The following PTPRN2 variants were observed in gnomAD, a reference collection of about 807,000 sequenced individuals.
PTPRN2 encodes protein tyrosine phosphatase receptor type N2, also known as receptor-type tyrosine-protein phosphatase N2.
Under a neutral mutation model 118.8 loss-of-function variants are expected in PTPRN2, and 74 were observed. That is an observed-to-expected ratio of 0.62 (90% confidence interval 0.52 to 0.76). The LOEUF (loss-of-function observed/expected upper bound fraction) is 0.76. Among genes scored for constraint, PTPRN2 ranks in the 30% least tolerant of loss-of-function variants. The pLI, the probability that PTPRN2 is intolerant of heterozygous loss-of-function variation, is 0.00. For missense variants in PTPRN2, 1,481 were observed against 1,394.4 expected (o/e 1.06, Z -0.99); for synonymous variants, 641 against 608.0 (o/e 1.05, Z -0.80).
intron 2 of PTPRN2, among the ~76,000 whole-genome samples, chr7:158,389,625 T>G (rs964096036): frequency 6.6e-6 from 1 of 152,214 alleles, no homozygotes; most frequent in African/African-American, 2.4e-5. Flanking sequence ...ACATTTGCAA[T>G]AACGGCTGCC....
intron 11 of PTPRN2, among the ~76,000 whole-genome samples, chr7:158,072,111 C>CGTGGTGG (rs1432276678): frequency 3.1e-4 from 46 of 146,918 alleles, no homozygotes; most frequent in Non-Finnish European, 6.0e-4. Context: ...TGGAGGTGCT[C>CGTGGTGG]ATGGTGGTGG....
chr7:158,235,128 C>T (rs901205326), intron 3 of PTPRN2, among the ~76,000 whole-genome samples: 4 of 143,670 alleles, frequency 2.8e-5, no homozygotes, highest in Admixed American at 2.1e-4. Flanking sequence ...GAGGAGCCCT[C>T]GGACACTGTG....
At chr7:157,577,961 A>T in intron 18 of PTPRN2, 60 bp downstream of exon 18, 3 of 1,494,880 alleles carry the variant, frequency 2.0e-6, no homozygotes, top group Non-Finnish European at 2.7e-6. Flanking sequence ...TCGGAGGAGG[A>T]GCAGGGCCCG....
chr7:158,053,306 T>C (rs1007003065), intron 11 of PTPRN2, among the ~76,000 whole-genome samples: 1 of 152,072 alleles, frequency 6.6e-6, no homozygotes, highest in East Asian at 1.9e-4. Context: ...TGAGCCATAG[T>C]GACTGAGGGA....
At position 158,544,358 on chromosome 7, in the gene PTPRN2, G is replaced by A. The variant is rs1445130147; in HGVS notation, c.112+43200C>T. Among the ~76,000 whole-genome samples the A allele has an allele frequency of 4.6e-5, 7 of 151,928 alleles. No homozygotes were observed. Among genetic ancestry groups the A allele is most frequent in the Non-Finnish European group, 8.8e-5 (6 of 67,996 alleles). The stretch of plus-strand genomic sequence containing the variant: ...TAAAACATTATGAGATTTTTTGGCC[G>A]GGTGCGGTGGCTCATGCCTGTAATC... On this transcript the variant is annotated intron_variant, in intron 1 of 22. Transcript: ENST00000389418. This position sits in a 1 kb window ranked among gnomAD's most constrained non-coding sequence, Gnocchi z 4.2.
At chr7:158,533,987 G>T (rs1400898091) in intron 1 of PTPRN2, among the ~76,000 whole-genome samples, 1 of 152,216 alleles carries the variant, frequency 6.6e-6, no homozygotes, top group African/African-American at 2.4e-5. Context: ...GCCTCCACTG[G>T]CCAGTGCAGG....
intron 2 of PTPRN2, among the ~76,000 whole-genome samples, chr7:158,430,386 T>C (rs1816072919): frequency 1.3e-5 from 2 of 152,192 alleles, no homozygotes; most frequent in Admixed American, 1.3e-4. Flanking sequence ...GTACCACTTG[T>C]GGGAAGTCTC....
At chr7:157,924,463 C>T (rs1313762168) in intron 11 of PTPRN2, among the ~76,000 whole-genome samples, 3 of 152,234 alleles carry the variant, frequency 2.0e-5, no homozygotes, top group Admixed American at 2.0e-4. Flanking sequence ...AATCTCCCTA[C>T]CCTGGACGCC....
chr7:157,733,522 T>C (rs113376225), intron 12 of PTPRN2, among the ~76,000 whole-genome samples: 413 of 23,236 alleles, frequency 0.018, 72 homozygotes, highest in Non-Finnish European at 0.021. Context: ...GCACAGTTAC[T>C]CTTTGCCGTC....
At chr7:157,594,968 G>A (rs529247978) in intron 17 of PTPRN2, among the ~76,000 whole-genome samples, 36 of 152,226 alleles carry the variant, frequency 2.4e-4, no homozygotes, top group African/African-American at 8.2e-4. Flanking sequence ...CTTTATCCTC[G>A]CTGTTTTATA....
chr7:158,055,605 A>C (rs1046755862), intron 11 of PTPRN2, among the ~76,000 whole-genome samples: 9 of 152,184 alleles, frequency 5.9e-5, no homozygotes, highest in African/African-American at 2.2e-4. Flanking sequence ...TAGCAGTAGC[A>C]AATTTGTGAA....
intron 2 of PTPRN2, among the ~76,000 whole-genome samples, chr7:158,338,384 C>T (rs1407223024): frequency 4.4e-4 from 6 of 13,632 alleles, no homozygotes; most frequent in African/African-American, 1.5e-3. Context: ...CACCTGCAGA[C>T]GTCACTCACA....
chr7:158,267,847 G>A (rs553528642), intron 3 of PTPRN2, among the ~76,000 whole-genome samples: 6 of 152,246 alleles, frequency 3.9e-5, no homozygotes, highest in South Asian at 2.1e-4. Context: ...ATCTCTCCAC[G>A]TGACCAGCTG....
intron 12 of PTPRN2, among the ~76,000 whole-genome samples, chr7:157,778,818 G>A (rs967554866): frequency 1.3e-5 from 2 of 152,230 alleles, no homozygotes; most frequent in East Asian, 1.9e-4. Context: ...AGGTGCCGCC[G>A]AATGCCCACA....
chr7:158,347,800 T>C (rs1448318624), intron 2 of PTPRN2, among the ~76,000 whole-genome samples: 2 of 152,262 alleles, frequency 1.3e-5, no homozygotes, highest in South Asian at 2.1e-4. Flanking sequence ...TAGTTTTCAG[T>C]GTACAGGTCT....
chr7:158,333,910 C>G (rs1408980911), intron 2 of PTPRN2, among the ~76,000 whole-genome samples: 2 of 143,644 alleles, frequency 1.4e-5, no homozygotes, highest in African/African-American at 2.6e-5. Flanking sequence ...CCGCAGACGT[C>G]ACTCACACCC....
chr7:158,149,658 C>G (rs6947802), intron 6 of PTPRN2, among the ~76,000 whole-genome samples: 133,198 of 152,152 alleles, frequency 0.88, 58,571 homozygotes, highest in African/African-American at 0.95. Context: ...ACAAAAATGA[C>G]CCAGGCGTGG....
At chr7:158,324,041 A>ATACT (rs1554457816) in intron 2 of PTPRN2, among the ~76,000 whole-genome samples, 1 of 151,874 alleles carries the variant, frequency 6.6e-6, no homozygotes, top group Non-Finnish European at 1.5e-5. Context: ...GAGCACGTAC[A>ATACT]CACACATTTG....
intron 11 of PTPRN2, among the ~76,000 whole-genome samples, chr7:158,062,766 A>T (rs1810450492): frequency 6.6e-6 from 1 of 152,214 alleles, no homozygotes; most frequent in South Asian, 2.1e-4. Context: ...CCAGCCCACC[A>T]GCACTGCGCT....
Sources: gnomAD v4.1 joint callset for allele counts (sites outside exome capture counted in the v4.1 genomes callset) on GRCh38, gnomAD v4.1.1 for gene constraint, Gnocchi (gnomAD v3.1) non-coding constraint, MANE v1.5 for transcripts, NCBI Gene and HGNC (gene_info 2026-07-23, HGNC 2026-07-21) for gene names.